SP100: variants seen among roughly 807,000 people sequenced by gnomAD.
The protein encoded by SP100 is nuclear autoantigen Sp-100.
Under a neutral mutation model 130.0 loss-of-function variants are expected in SP100, and 84 were observed. The ratio of observed to expected loss-of-function variants is 0.65; its 90% confidence interval spans 0.54 to 0.77. The LOEUF (loss-of-function observed/expected upper bound fraction) is 0.77. SP100 is among the 30% of genes least tolerant of loss of function. The pLI, the probability that SP100 is intolerant of heterozygous loss-of-function variation, is 0.00. For missense variants in SP100, 978 were observed against 1,052.2 expected (o/e 0.93, Z 0.97); for synonymous variants, 331 against 351.7 (o/e 0.94, Z 0.66).
chr2:230,496,788 T>C (rs933301921), intron 18 of SP100, among the ~76,000 whole-genome samples: 1 of 152,172 alleles, frequency 6.6e-6, no homozygotes, highest in South Asian at 2.1e-4. Context: ...ACACTCCTGC[T>C]GGGGTCAACT....
chr2:230,469,086 C>G lies in SP100; in HGVS notation c.1335C>G (p.Ser445Arg), dbSNP rs747211855. 1.9e-6 allele frequency: 3 copies of G among 1,596,028 alleles called. No individual in the cohort carries two copies. Among genetic ancestry groups the G allele is most frequent in the Non-Finnish European group, 2.6e-6 (3 of 1,165,866 alleles). The change falls in exon 14 of 29, where the codon AGC becomes AGG. Residue 445 changes from serine (S) to arginine (R), a missense_variant. Coordinates refer to ENST00000340126, the MANE Select transcript of SP100 (RefSeq NM_001080391.2). ...SRSTSTWRIP[S>R]RKRRFSSSDF... ...GTACATCTACTTGGAGAATACCCAG[C>G]AGGAAGAGACGTAAGAGCAATTAAA...
rs1292307078 is a variant in SP100, at chr2:230,474,450, A to G, written c.1600+3A>G. ...GGAAAAACACAGTGGGAAAAGAAGT[A>G]AGAACAAATAAGAATTTACTTAATT... is the stretch of plus-strand genomic sequence containing the variant. On this transcript the variant is annotated splice_donor_region_variant and intron_variant, in intron 17 of 28. Coordinates refer to ENST00000340126, the MANE Select transcript of SP100 (RefSeq NM_001080391.2). The G allele has an allele frequency of 1.5e-6, 2 of 1,295,060 alleles. No individual in the cohort carries two copies. The highest frequency in any genetic ancestry group is 2.2e-6 in the Non-Finnish European group (2 of 902,382). 80.2% of individuals were successfully genotyped at this position (1,295,060 alleles called of 1,614,324 possible).
intron 19 of SP100, among the ~76,000 whole-genome samples, chr2:230,502,133 T>C (rs1374163861): frequency 6.6e-6 from 1 of 151,924 alleles, no homozygotes; most frequent in Non-Finnish European, 1.5e-5. Flanking sequence ...TCCATCCACC[T>C]TGGCCTCCCA....
chr2:230,491,623 T>C (rs2066395870), intron 17 of SP100, among the ~76,000 whole-genome samples: 2 of 152,188 alleles, frequency 1.3e-5, no homozygotes, highest in African/African-American at 2.4e-5. Flanking sequence ...TGCTGGCTGC[T>C]GAAGTGCCAC....
At chr2:230,494,908 A>C (rs1575739570) in intron 18 of SP100, among the ~76,000 whole-genome samples, 2 of 152,346 alleles carry the variant, frequency 1.3e-5, no homozygotes, top group South Asian at 2.1e-4. Context: ...CTGGCCGGGC[A>C]GTCCTTGGTT....
At chr2:230,446,725 CCCAA>C in intron 4 of SP100, 90 bp from the exon 5 acceptor site, 1 of 765,004 alleles carries the variant, frequency 1.3e-6, no homozygotes, top group Non-Finnish European at 2.2e-6. Flanking sequence ...CTCTGAGTCA[CCCAA>C]GGGCTGGAAA....
At chr2:230,524,642 A>G (rs1264337478) in intron 24 of SP100, among the ~76,000 whole-genome samples, 3 of 152,330 alleles carry the variant, frequency 2.0e-5, no homozygotes, top group South Asian at 4.1e-4. Flanking sequence ...GATAAGTGCT[A>G]TAGATAAAGT....
chr2:230,509,597 A>G (rs1690419049), intron 23 of SP100: 1 of 152,244 alleles, frequency 6.6e-6, no homozygotes, highest in African/African-American at 2.4e-5. Context: ...CCACAGCTCT[A>G]GAGGTGAAAT....
chr2:230,523,539 A>T (rs1002154819), intron 24 of SP100, among the ~76,000 whole-genome samples: 1 of 152,148 alleles, frequency 6.6e-6, no homozygotes, highest in Non-Finnish European at 1.5e-5. Context: ...AACAGTATTC[A>T]TTAATTAAGT....
At chr2:230,445,004 G>A (rs766335058) in intron 4 of SP100, among the ~76,000 whole-genome samples, 6 of 152,204 alleles carry the variant, frequency 3.9e-5, no homozygotes, top group Non-Finnish European at 5.9e-5. Context: ...GAGCAAGAAA[G>A]TTAACCCTGG....
intron 2 of SP100, among the ~76,000 whole-genome samples, chr2:230,433,552 A>G (rs2063158471): frequency 6.6e-6 from 1 of 152,082 alleles, no homozygotes; most frequent in East Asian, 1.9e-4. Flanking sequence ...TTTTGATAGG[A>G]ATCATACTGA....
chr2:230,467,049 A>C (rs1254416845), intron 12 of SP100, 71 bp from the exon 13 acceptor site: 2 of 1,048,778 alleles, frequency 1.9e-6, no homozygotes, highest in Non-Finnish European at 2.9e-6. Context: ...TCCTTTTCAT[A>C]GAATATTATT....
chr2:230,539,053 T>C (rs2150115743), intron 24 of SP100: 2 of 401,752 alleles, frequency 5.0e-6, no homozygotes, highest in South Asian at 8.5e-5. Context: ...TCAGAATCTC[T>C]GGTTTCATAA....
intron 2 of SP100, among the ~76,000 whole-genome samples, chr2:230,442,114 C>A (rs981357107): frequency 6.6e-5 from 10 of 152,050 alleles, no homozygotes; most frequent in South Asian, 6.2e-4. Flanking sequence ...TGGACAGTGC[C>A]AATAATTCTC....
chr2:230,517,189 C>T (rs764516435), intron 24 of SP100, among the ~76,000 whole-genome samples: 1 of 152,034 alleles, frequency 6.6e-6, no homozygotes, highest in Non-Finnish European at 1.5e-5. Flanking sequence ...AGAGGTCCAA[C>T]TGGAAAATAG....
At chr2:230,446,391 G>T (rs1455882316) in intron 4 of SP100, among the ~76,000 whole-genome samples, 1 of 152,148 alleles carries the variant, frequency 6.6e-6, no homozygotes, top group Admixed American at 6.5e-5. Flanking sequence ...TTACAGGTGT[G>T]AGCCACTGCA....
At chr2:230,436,856 G>GT (rs1425410573) in intron 2 of SP100, among the ~76,000 whole-genome samples, 18 of 69,318 alleles carry the variant, frequency 2.6e-4, no homozygotes, top group African/African-American at 1.0e-3. Flanking sequence ...ATGTATATGT[G>GT]AACACATATG....
At chr2:230,523,537 T>G (rs7603185) in intron 24 of SP100, among the ~76,000 whole-genome samples, 1,982 of 152,136 alleles carry the variant, frequency 0.013, 38 homozygotes, top group African/African-American at 0.046. Flanking sequence ...AAAACAGTAT[T>G]CATTAATTAA....
intron 17 of SP100, among the ~76,000 whole-genome samples, chr2:230,485,845 A>G (rs1385416884): frequency 6.6e-6 from 1 of 152,140 alleles, no homozygotes; most frequent in Non-Finnish European, 1.5e-5. Context: ...TTTTAGTCAC[A>G]TTGGTTTATA....
Sources: gnomAD v4.1 joint callset for allele counts (sites outside exome capture counted in the v4.1 genomes callset) on GRCh38, gnomAD v4.1.1 for gene constraint, MANE v1.5 for transcripts, NCBI Gene and HGNC (gene_info 2026-07-23, HGNC 2026-07-21) for gene names.